Variants in GALNT18 observed in about 807,000 individuals in gnomAD.
GALNT18 encodes the protein polypeptide N-acetylgalactosaminyltransferase 18, also known as GalNAc-transferase 18.
GALNT18 carries 44 observed loss-of-function variants against 69.5 expected under a neutral mutation model. The ratio of observed to expected loss-of-function variants is 0.63; its 90% CI spans 0.50 to 0.81. The LOEUF (loss-of-function observed/expected upper bound fraction) is 0.81, where lower values mean the gene tolerates loss of function less well. Ranked by LOEUF, GALNT18 falls within the 40% of genes least tolerant of loss-of-function variation. The probability of loss-of-function intolerance (pLI) is 0.00; values close to 1 mark genes in which losing one functional copy is unlikely to be tolerated. For synonymous variants in GALNT18, 364 were observed against 318.2 expected (o/e 1.14, Z -1.53); for missense variants, 715 against 810.0 (o/e 0.88, Z 1.42).
At chr11:11,484,550 G>A (rs1239750384) in intron 1 of GALNT18, among the ~76,000 whole-genome samples, 5 of 133,568 alleles carry the variant, frequency 3.7e-5, no homozygotes, top group South Asian at 2.4e-4. Context: ...CCGAGATCAC[G>A]CCATTGCACT....
At chr11:11,274,765 T>C (rs1416566768) in intron 10 of GALNT18, among the ~76,000 whole-genome samples, 3 of 152,194 alleles carry the variant, frequency 2.0e-5, no homozygotes, top group Non-Finnish European at 4.4e-5. Flanking sequence ...GTGTTCTCAT[T>C]GTCCAACTCC....
At position 11,489,221 on chromosome 11, in the gene GALNT18, T is replaced by C. The variant is rs534280036; in HGVS notation, c.236-40285A>G. 4.6e-5 allele frequency among the ~76,000 whole-genome samples: 7 copies of C among 152,308 alleles called. No individual in the cohort carries two copies. In the South Asian group the frequency reaches 1.4e-3, roughly 32 times the overall value. ...CAGGAGTATGAATGGGGGAGCATTA[T>C]TATGACAGTGAAATGAGCAGGCACT... On this transcript the variant is annotated intron_variant, in intron 1 of 10. Transcript: ENST00000227756.
chr11:11,407,171 G>T (rs1330576606), intron 3 of GALNT18, among the ~76,000 whole-genome samples: 1 of 152,210 alleles, frequency 6.6e-6, no homozygotes, highest in Non-Finnish European at 1.5e-5. Flanking sequence ...GAGACAATGT[G>T]TTCAGGCCAA....
At chr11:11,501,315 G>A (rs545361167) in intron 1 of GALNT18, among the ~76,000 whole-genome samples, 2 of 152,166 alleles carry the variant, frequency 1.3e-5, no homozygotes, top group Admixed American at 6.5e-5. Context: ...CCAAGACATC[G>A]ATGGGAATGA....
At chr11:11,609,776 G>A (rs1004056808) in intron 1 of GALNT18, among the ~76,000 whole-genome samples, 1 of 152,126 alleles carries the variant, frequency 6.6e-6, no homozygotes, top group Non-Finnish European at 1.5e-5. Flanking sequence ...ATAGCTAGGG[G>A]CCCACCATTT....
intron 3 of GALNT18, among the ~76,000 whole-genome samples, chr11:11,416,105 G>T (rs1215065901): frequency 1.3e-5 from 2 of 152,170 alleles, no homozygotes; most frequent in African/African-American, 4.8e-5. Flanking sequence ...AGACAAGCTC[G>T]CAGACACAGT....
intron 6 of GALNT18, chr11:11,351,844 C>T: frequency 2.2e-6 from 2 of 918,920 alleles, no homozygotes; most frequent in Non-Finnish European, 3.3e-6. Context: ...AGACACGTTG[C>T]TTCTGAAGTG....
rs1282238113 is a variant in GALNT18, at chr11:11,314,328, T to C, written c.1512+12758A>G. On this transcript the variant is annotated intron_variant, in intron 9 of 10. Transcript: ENST00000227756. The surrounding 1 kb of genome is among the most constrained non-coding windows in gnomAD (Gnocchi z 5.2). ...TGTTTACAACTCTAATTGTGGAGTT[T>C]GGACATGAAGTGAAGAACATATCAT... Among the ~76,000 whole-genome samples the C allele has an allele frequency of 3.3e-5, 5 of 152,148 alleles. No individual in the cohort carries two copies. The highest frequency in any genetic ancestry group is 2.9e-5 in the Non-Finnish European group (2 of 68,026).
chr11:11,502,242 T>G (rs550383371), intron 1 of GALNT18, among the ~76,000 whole-genome samples: 1 of 152,284 alleles, frequency 6.6e-6, no homozygotes, highest in East Asian at 1.9e-4. Flanking sequence ...CTGGGGCCCC[T>G]TGCAAACAAG....
At chr11:11,374,234 C>T (rs1344894041) in intron 5 of GALNT18, among the ~76,000 whole-genome samples, 1 of 152,144 alleles carries the variant, frequency 6.6e-6, no homozygotes, top group Non-Finnish European at 1.5e-5. Flanking sequence ...GGAAAAATCC[C>T]CCTTCCGGAT....
At chr11:11,422,068 T>C (rs936798522) in intron 3 of GALNT18, among the ~76,000 whole-genome samples, 4 of 152,174 alleles carry the variant, frequency 2.6e-5, no homozygotes. Flanking sequence ...TCTATATCTA[T>C]GAGAGAAACT....
intron 3 of GALNT18, among the ~76,000 whole-genome samples, chr11:11,393,946 T>C (rs896314569): frequency 6.6e-6 from 1 of 152,252 alleles, no homozygotes; most frequent in Non-Finnish European, 1.5e-5. Context: ...CATTCATGTG[T>C]TCAACTGGCA....
At chr11:11,304,207 G>A (rs1849540722) in intron 9 of GALNT18, among the ~76,000 whole-genome samples, 1 of 152,186 alleles carries the variant, frequency 6.6e-6, no homozygotes, top group Non-Finnish European at 1.5e-5. Context: ...CCTAGTTCCT[G>A]CCTTTCCCGG....
rs1850946335 is a variant in GALNT18 at position 11,372,902 on chromosome 11, C to T, written c.978-273G>A. Among the ~76,000 whole-genome samples the T allele has an allele frequency of 6.6e-6, 1 of 152,132 alleles. No individual in the cohort carries two copies. The highest frequency in any genetic ancestry group is 1.5e-5 in the Non-Finnish European group (1 of 68,024). The stretch of plus-strand genomic sequence containing the variant: ...TGTGTGTTAGCTTTGAGAATTGGTG[C>T]TCAGCCTGCCAGTCTAGGTTGACTG... On this transcript the variant is annotated intron_variant, in intron 5 of 10. Transcript: ENST00000227756. This position sits in a 1 kb window ranked among gnomAD's most constrained non-coding sequence, Gnocchi z 4.9.
intron 1 of GALNT18, among the ~76,000 whole-genome samples, chr11:11,588,418 A>G (rs1273909203): frequency 6.6e-6 from 1 of 152,200 alleles, no homozygotes; most frequent in Non-Finnish European, 1.5e-5. Context: ...AGAAAGGAAG[A>G]GTAGGAGGGA....
intron 1 of GALNT18, among the ~76,000 whole-genome samples, chr11:11,513,926 G>A (rs1417001822): frequency 1.3e-5 from 2 of 152,202 alleles, no homozygotes; most frequent in East Asian, 3.9e-4. Flanking sequence ...GGCTTGAATG[G>A]GTCACGGGTG....
At chr11:11,474,601 G>A (rs548011662) in intron 1 of GALNT18, among the ~76,000 whole-genome samples, 200 of 152,340 alleles carry the variant, frequency 1.3e-3, no homozygotes, top group South Asian at 9.9e-3. Context: ...AGTAGTATTG[G>A]ATATGGAGGG....
chr11:11,418,656 C>G (rs1854921377), intron 3 of GALNT18, among the ~76,000 whole-genome samples: 1 of 152,208 alleles, frequency 6.6e-6, no homozygotes, highest in Non-Finnish European at 1.5e-5. Flanking sequence ...CTGCACTCGG[C>G]TGCCAGCTCG....
intron 10 of GALNT18, among the ~76,000 whole-genome samples, chr11:11,275,748 T>C (rs1848930411): frequency 6.6e-6 from 1 of 152,250 alleles, no homozygotes; most frequent in Non-Finnish European, 1.5e-5. Flanking sequence ...GTTTTCTGCA[T>C]ATGGCTAGCC....
Sources: gnomAD v4.1 joint callset for allele counts (sites outside exome capture counted in the v4.1 genomes callset) on GRCh38, gnomAD v4.1.1 for gene constraint, Gnocchi (gnomAD v3.1) non-coding constraint, MANE v1.5 for transcripts, NCBI Gene and HGNC (gene_info 2026-07-23, HGNC 2026-07-21) for gene names.